HGFAC: variants seen among roughly 807,000 people sequenced by gnomAD.
HGFAC encodes hepatocyte growth factor activator serine protease.
A neutral mutation model predicts 70.6 loss-of-function variants in HGFAC; 76 were observed. That is an observed-to-expected ratio of 1.08 (90% CI 0.89 to 1.30). The LOEUF (loss-of-function observed/expected upper bound fraction) is 1.30, where lower values mean the gene tolerates loss of function less well. HGFAC is among the 50% of genes most tolerant of loss of function. HGFAC has a pLI of 0.00. For missense variants in HGFAC, 1,044 were observed against 933.7 expected, an observed-to-expected ratio of 1.12 and a Z score of -1.54; for synonymous variants, 464 against 405.3, an observed-to-expected ratio of 1.14 and a Z score of -1.74.
chr4:3,444,176 G>A lies in HGFAC; in HGVS notation c.598+15G>A, dbSNP rs746868651. On this transcript the variant is annotated intron_variant, in intron 5 of 13. Transcript: ENST00000382774. The stretch of plus-strand genomic sequence containing the variant: ...CTGCGGCACAGGTGAGCTGGGCCTC[G>A]GAGGTCCGCAGGGGTCCAGGGGCCG... 9.4e-6 allele frequency: 15 copies of A among 1,593,980 alleles called. No individual in the cohort carries two copies. The highest frequency in any genetic ancestry group is 3.4e-5 in the South Asian group (3 of 88,832).
chr4:3,445,194 C>T (rs562460119), intron 8 of HGFAC, 71 bp from the exon 9 acceptor site: 56 of 1,394,942 alleles, frequency 4.0e-5, no homozygotes, highest in Middle Eastern at 1.8e-4. Context: ...CTGGGGGTTC[C>T]GATGCCCCCT....
intron 10 of HGFAC, 49 bp downstream of exon 10, chr4:3,446,343 A>C: frequency 6.4e-7 from 1 of 1,573,312 alleles, no homozygotes; most frequent in Non-Finnish European, 8.6e-7. Context: ...CCCACACACC[A>C]TCCAGCGTCA....
intron 10 of HGFAC, 55 bp downstream of exon 10, chr4:3,446,349 C>A: frequency 6.4e-7 from 1 of 1,561,848 alleles, no homozygotes; most frequent in Admixed American, 1.7e-5. Flanking sequence ...CACCATCCAG[C>A]GTCACTATGC....
At chr4:3,443,219 C>T in intron 3 of HGFAC, 73 bp downstream of exon 3, 1 of 1,328,850 alleles carries the variant, frequency 7.5e-7, no homozygotes, top group Non-Finnish European at 1.0e-6. Flanking sequence ...GGGAGCCGGG[C>T]ACACAGTAGG....
intron 10 of HGFAC, 97 bp downstream of exon 10, chr4:3,446,391 C>T (rs964312517): frequency 2.7e-5 from 39 of 1,445,928 alleles, no homozygotes; most frequent in South Asian, 4.1e-5. Context: ...GACCCCATCC[C>T]GGTGCCTCTG....
At position 3,445,253 on chromosome 4, in the gene HGFAC, T is replaced by A. The variant is rs1364430620; in HGVS notation, c.1017-12T>A. The stretch of plus-strand genomic sequence containing the variant: ...GTGTGACTCCCTGCCAGCCCCCACT[T>A]ATGCACCGCAGGAATCCGGACAATG... On this transcript the variant is annotated splice_polypyrimidine_tract_variant and intron_variant, in intron 8 of 13. Coordinates refer to ENST00000382774, the MANE Select transcript of HGFAC (RefSeq NM_001528.4). 6.4e-7 allele frequency: 1 copy of A among 1,561,404 alleles called. No homozygotes were observed. The highest frequency in any genetic ancestry group is 1.9e-5 in the Admixed American group (1 of 53,138).
At chr4:3,446,315 A>G (rs1476668837) in intron 10 of HGFAC, 21 bp downstream of exon 10, 1 of 1,595,824 alleles carries the variant, frequency 6.3e-7, no homozygotes, top group Admixed American at 1.7e-5. Context: ...TCTGGGCCCC[A>G]GTCACCTGCC....
Position 3,444,008 on chromosome 4 carries a change from G to A in HGFAC, c.476-31G>A, listed in dbSNP as rs761670561. The A allele has an allele frequency of 6.2e-5, 95 of 1,544,708 alleles. No homozygotes were observed. In the Admixed American group the frequency reaches 1.5e-3, roughly 24 times the overall value. ...AGAGGGACCCTGAGCCTCCCAGTCCGCCCCTCACACCCCCTCCCGCATGTC... is the reference window on the plus strand; with the variant it reads ...AGAGGGACCCTGAGCCTCCCAGTCCACCCCTCACACCCCCTCCCGCATGTC... On this transcript the variant is annotated intron_variant, in intron 4 of 13. Transcript: ENST00000382774.
At position 3,445,689 on chromosome 4, in the gene HGFAC, G is replaced by A; in HGVS notation, c.1102+339G>A. On this transcript the variant is annotated intron_variant, in intron 9 of 13. Coordinates refer to ENST00000382774, the MANE Select transcript of HGFAC (RefSeq NM_001528.4). ...AGAGGCCACCTGCTTCCTGCCCTGG[G>A]GAGAGGCCCCCCGGCTCCCTAGGAC... The A allele has an allele frequency of 1.4e-5, 9 of 628,084 alleles. 1 individual carries two copies. The South Asian group carries it at 1.6e-4, about 11-fold the overall frequency. 38.9% of individuals were successfully genotyped at this position (628,084 alleles called of 1,614,324 possible).
At chr4:3,448,079 G>A (rs1265798688) in intron 12 of HGFAC, 44 bp downstream of exon 12, 12 of 1,561,384 alleles carry the variant, frequency 7.7e-6, no homozygotes, top group Non-Finnish European at 1.0e-5. Flanking sequence ...AGGGTGGACA[G>A]TGGCCAGCCA....
upstream of HGFAC, chr4:3,441,855 G>A: frequency 1.9e-6 from 1 of 526,842 alleles, no homozygotes; most frequent in South Asian, 2.8e-5. The surrounding 1 kb of genome is among the most constrained non-coding windows in gnomAD (Gnocchi z 6.0). Flanking sequence ...AGGTGTGGGG[G>A]CCAGGGGACT....
chr4:3,444,453 G>A lies in HGFAC; in HGVS notation c.730+11G>A. 2 of 1,582,154 alleles carry A rather than the reference G, an allele frequency of 1.3e-6. No homozygotes were observed. Among genetic ancestry groups the A allele is most frequent in the East Asian group, 2.3e-5 (1 of 44,222 alleles). ...GCACCCGACATACAGGTGCGCCACGGGGTGTGAGCCGTGCCACTGACCCCT... is the reference window on the plus strand; with the variant it reads ...GCACCCGACATACAGGTGCGCCACGAGGTGTGAGCCGTGCCACTGACCCCT... On this transcript the variant is annotated intron_variant, in intron 6 of 13. Coordinates refer to ENST00000382774, the MANE Select transcript of HGFAC (RefSeq NM_001528.4).
chr4:3,444,367 C>G lies in HGFAC; in HGVS notation c.655C>G (p.Arg219Gly). ...CCTGGAGGGGGGCGACCGCTGGGCC[C>G]GCGTGCGCCAGGGCCACGTGGAACA... ...EYLEGGDRWARVRQGHVEQCE... is the reference protein window; with the variant it reads ...EYLEGGDRWAGVRQGHVEQCE... The change falls in exon 6 of 14, where the codon CGC becomes GGC. Residue 219 changes from arginine (R) to glycine (G), a missense_variant. Arg to Gly is a moderately radical substitution (Grantham distance 125). Coordinates refer to ENST00000382774, the MANE Select transcript of HGFAC (RefSeq NM_001528.4). 1 of 1,601,794 alleles carries G rather than the reference C, an allele frequency of 6.2e-7. No individual in the cohort carries two copies. Among genetic ancestry groups the G allele is most frequent in the Non-Finnish European group, 8.5e-7 (1 of 1,175,484 alleles).
chr4:3,447,534 C>T lies in HGFAC; in HGVS notation c.1398C>T (p.Phe466=). The change falls in exon 11 of 14, where the codon TTC becomes TTT. Residue 466 remains phenylalanine, a synonymous_variant. Transcript: ENST00000382774. ...DSVSVVLGQH[F]FNRTTDVTQT... ...TCTCCGTGGTGCTGGGCCAGCACTT[C>T]TTCAACCGCACGACGGACGTGACGC... 1.4e-5 allele frequency: 23 copies of T among 1,612,704 alleles called. No individual in the cohort carries two copies. Among genetic ancestry groups the T allele is most frequent in the Non-Finnish European group, 1.9e-5 (23 of 1,179,916 alleles).
At chr4:3,449,206 G>A in intron 13 of HGFAC, 31 bp from the exon 14 acceptor site, 1 of 1,594,688 alleles carries the variant, frequency 6.3e-7, no homozygotes, top group Non-Finnish European at 8.5e-7. Context: ...AGGCCCCTGG[G>A]AGGGTGGCTC....
Position 3,444,309 on chromosome 4 carries a change from A to T in HGFAC, c.599-2A>T. 6.3e-7 allele frequency: 1 copy of T among 1,587,288 alleles called. No homozygotes were observed. ...TGTGAGGGCTTACTGTGCACCCCTC[A>T]GAGAAATGCTTTGATGAGACCCGCT... On this transcript the variant is annotated splice_acceptor_variant, in intron 5 of 13. Coordinates refer to ENST00000382774, the MANE Select transcript of HGFAC (RefSeq NM_001528.4). LOFTEE classifies it high-confidence loss of function.
intron 13 of HGFAC, 66 bp from the exon 14 acceptor site, chr4:3,449,171 T>G: frequency 2.1e-6 from 3 of 1,456,572 alleles, no homozygotes; most frequent in Non-Finnish European, 2.8e-6. Flanking sequence ...AGCTGCCACT[T>G]GGGGGAGAGG....
chr4:3,443,548 A>G, intron 4 of HGFAC, 128 bp downstream of exon 4: 1 of 558,782 alleles, frequency 1.8e-6, no homozygotes, highest in Non-Finnish European at 2.9e-6. Flanking sequence ...GAGCTCTGGG[A>G]TTAACCCCGG....
At chr4:3,442,506 T>C (rs961021014) in intron 1 of HGFAC, among the ~76,000 whole-genome samples, 5 of 151,914 alleles carry the variant, frequency 3.3e-5, no homozygotes, top group African/African-American at 9.7e-5. Flanking sequence ...TGGGTAGCAG[T>C]GCCTGGGCCT....
Sources: allele counts gnomAD v4.1 joint callset (sites outside exome capture counted in the v4.1 genomes callset), GRCh38; gene constraint gnomAD v4.1.1; non-coding constraint Gnocchi (gnomAD v3.1); transcripts MANE v1.5; gene names NCBI Gene and HGNC (gene_info 2026-07-23, HGNC 2026-07-21).